Variants in LYRM4 observed in about 807,000 individuals in gnomAD.
LYRM4 encodes the protein LYR motif-containing protein 4.
A neutral mutation model predicts 11.7 loss-of-function variants in LYRM4; 9 were observed. That is an observed-to-expected ratio of 0.77 (90% CI 0.46 to 1.34). The LOEUF is 1.34. Among genes scored for constraint, LYRM4 ranks in the 40% most tolerant of loss-of-function variants. The pLI is 0.00. For missense variants in LYRM4, 133 were observed against 112.5 expected (o/e 1.18, Z -0.82); for synonymous variants, 42 against 40.4 (o/e 1.04, Z -0.15).
chr6:5,122,963 C>T (rs1040499384), intron 2 of LYRM4, among the ~76,000 whole-genome samples: 2 of 152,224 alleles, frequency 1.3e-5, no homozygotes, highest in Non-Finnish European at 2.9e-5. Flanking sequence ...CTTGTAAACA[C>T]GTGGCCAGCA....
chr6:5,133,313 G>A (rs932823192), intron 2 of LYRM4, among the ~76,000 whole-genome samples: 8 of 152,296 alleles, frequency 5.3e-5, no homozygotes, highest in African/African-American at 1.7e-4. Context: ...GTGACTGTAG[G>A]CAGCAGATTC....
At chr6:5,252,550 T>A (rs1423046396) in intron 1 of LYRM4, among the ~76,000 whole-genome samples, 3 of 152,246 alleles carry the variant, frequency 2.0e-5, no homozygotes, top group Non-Finnish European at 4.4e-5. Flanking sequence ...TGTCCACCTC[T>A]GTGGCTGACA....
At chr6:5,045,982 G>C in the LYRM4 span, among the ~76,000 whole-genome samples, 1 of 152,140 alleles carries the variant, frequency 6.6e-6, no homozygotes, top group East Asian at 1.9e-4. Flanking sequence ...AGTGGGAAGC[G>C]GGAACGTCTA....
chr6:5,245,113 AATATATATATATATATATAT>A (rs1158676783), intron 1 of LYRM4, among the ~76,000 whole-genome samples: 50 of 24,132 alleles, frequency 2.1e-3, no homozygotes, highest in African/African-American at 5.5e-3. Flanking sequence ...AAAAAAAAAA[AATATATATATATATATATAT>A]ATATATATAT....
chr6:5,167,128 T>G (rs895222206), intron 2 of LYRM4, among the ~76,000 whole-genome samples: 6 of 152,238 alleles, frequency 3.9e-5, no homozygotes, highest in Non-Finnish European at 7.3e-5. Context: ...TTTTGTTCAG[T>G]TGGTGTAGAT....
At chr6:5,064,592 G>A in the LYRM4 span, among the ~76,000 whole-genome samples, 1,705 of 152,060 alleles carry the variant, frequency 0.011, 32 homozygotes, top group African/African-American at 0.039. Flanking sequence ...TTATAGAGAC[G>A]AGGGTCTCAC....
the LYRM4 span, among the ~76,000 whole-genome samples, chr6:5,068,723 T>C: frequency 1.3e-5 from 2 of 152,134 alleles, no homozygotes; most frequent in Admixed American, 1.3e-4. This position sits in a 1 kb window ranked among gnomAD's most constrained non-coding sequence, Gnocchi z 4.0. Flanking sequence ...TCTATCGGCA[T>C]GCATACATAT....
chr6:5,229,143 C>A (rs1022201173), intron 1 of LYRM4, among the ~76,000 whole-genome samples: 3 of 151,504 alleles, frequency 2.0e-5, no homozygotes, highest in South Asian at 4.2e-4. Flanking sequence ...TCAGTAGACA[C>A]AGCTAAGACA....
intron 1 of LYRM4, among the ~76,000 whole-genome samples, chr6:5,232,411 G>C (rs558298129): frequency 6.6e-5 from 10 of 152,314 alleles, no homozygotes; most frequent in Admixed American, 6.5e-4. Flanking sequence ...GAGCATGCCT[G>C]GCTTAGAAGA....
chr6:5,103,309 C>A (rs1168208720), downstream of LYRM4: 1 of 152,194 alleles, frequency 6.6e-6, no homozygotes, highest in South Asian at 2.1e-4. Flanking sequence ...TTCTTCTGTT[C>A]GTAATAATGA....
chr6:5,247,380 T>G (rs1392048494), intron 1 of LYRM4, among the ~76,000 whole-genome samples: 1 of 152,234 alleles, frequency 6.6e-6, no homozygotes, highest in African/African-American at 2.4e-5. Context: ...GGAGAATCCA[T>G]GATCCTTTCT....
intron 1 of LYRM4, among the ~76,000 whole-genome samples, chr6:5,234,212 A>G (rs540499200): frequency 2.2e-4 from 33 of 152,344 alleles, no homozygotes; most frequent in South Asian, 2.1e-3. Context: ...AGTTTTGGGG[A>G]AAATTTCACT....
chr6:5,117,794 G>T (rs974826560), intron 2 of LYRM4, among the ~76,000 whole-genome samples: 5 of 152,064 alleles, frequency 3.3e-5, no homozygotes, highest in African/African-American at 1.2e-4. Flanking sequence ...CTTGAGCCCA[G>T]GAGTTCGAGG....
the LYRM4 span, among the ~76,000 whole-genome samples, chr6:5,068,362 G>C: frequency 1.3e-5 from 2 of 152,174 alleles, no homozygotes; most frequent in Non-Finnish European, 2.9e-5. This position sits in a 1 kb window ranked among gnomAD's most constrained non-coding sequence, Gnocchi z 4.0. Flanking sequence ...CCTCCTGCCA[G>C]CACGCCGGCC....
chr6:5,182,027 C>T (rs138722064), intron 2 of LYRM4, among the ~76,000 whole-genome samples: 40 of 152,306 alleles, frequency 2.6e-4, no homozygotes, highest in Middle Eastern at 3.4e-3. Flanking sequence ...TACCTCCCCC[C>T]CAATCCCCAG....
intron 2 of LYRM4, among the ~76,000 whole-genome samples, chr6:5,153,153 A>G (rs1349517291): frequency 6.6e-6 from 1 of 152,106 alleles, no homozygotes; most frequent in South Asian, 2.1e-4. Context: ...GCTGGAGTGC[A>G]GTCGTGTGAT....
At chr6:5,062,140 A>T in the LYRM4 span, among the ~76,000 whole-genome samples, 18 of 130,324 alleles carry the variant, frequency 1.4e-4, no homozygotes, top group African/African-American at 5.0e-4. Context: ...GCTAGTGTGC[A>T]GTGGTGCGAT....
At chr6:5,249,735 A>C (rs1308497798) in intron 1 of LYRM4, among the ~76,000 whole-genome samples, 3 of 152,148 alleles carry the variant, frequency 2.0e-5, no homozygotes, top group Admixed American at 2.0e-4. Context: ...CATGTAACTT[A>C]CCTAGTTTTA....
intron 1 of LYRM4, among the ~76,000 whole-genome samples, chr6:5,234,599 A>G (rs1763429375): frequency 6.6e-6 from 1 of 152,244 alleles, no homozygotes; most frequent in African/African-American, 2.4e-5. Flanking sequence ...CCAGAGGGAA[A>G]GCCTTTCTGC....
Sources: allele counts gnomAD v4.1 joint callset (sites outside exome capture counted in the v4.1 genomes callset), GRCh38; gene constraint gnomAD v4.1.1; non-coding constraint Gnocchi (gnomAD v3.1); transcripts MANE v1.5; gene names NCBI Gene and HGNC (gene_info 2026-07-23, HGNC 2026-07-21).